The following EP300 variants were observed in gnomAD, a reference collection of about 807,000 sequenced individuals.
The protein encoded by EP300 is histone acetyltransferase p300.
EP300 carries 31 observed loss-of-function variants against 264.0 expected under a neutral mutation model. The observed-to-expected ratio is 0.12, with a 90% CI of 0.09 to 0.16. The LOEUF (loss-of-function observed/expected upper bound fraction) is 0.16. Ranked by LOEUF, EP300 falls within the 10% of genes least tolerant of loss-of-function variation. EP300 has a pLI of 1.00. For synonymous variants in EP300, 1,340 were observed against 1,045.4 expected (o/e 1.28, Z -5.44); for missense variants, 2,766 against 3,052.9 (o/e 0.91, Z 2.21).
intron 23 of EP300, among the ~76,000 whole-genome samples, chr22:41,167,582 GTGTATATATATA>G (rs1250142974): frequency 0.013 from 288 of 21,470 alleles, no homozygotes; most frequent in African/African-American, 0.047. Flanking sequence ...GTGTGTGTGT[GTGTATATATATA>G]TATATATATA....
intron 1 of EP300, among the ~76,000 whole-genome samples, chr22:41,098,554 G>T (rs550213424): frequency 2.6e-5 from 4 of 152,138 alleles, no homozygotes; most frequent in Non-Finnish European, 5.9e-5. Flanking sequence ...TGTATTTTTA[G>T]TAGAGACGGG....
In EP300 at chr22:41,177,567, C is replaced by G. The variant is rs751723154; in HGVS notation, c.5856C>G (p.Ile1952Met). ...MAHVQIFQRP[I>M]QHQMPPMTPM... is the part of the protein sequence containing the mutation. ...ACGTGCAAATTTTTCAAAGGCCAAT[C>G]CAACACCAGATGCCCCCGATGACTC... Residue 1952 changes from isoleucine to methionine, a missense_variant, in exon 31 of 31, where the codon ATC becomes ATG. By Grantham distance (10) the Ile-to-Met change is conservative (BLOSUM62 1). Coordinates refer to ENST00000263253, the MANE Select transcript of EP300 (RefSeq NM_001429.4). 4.3e-6 allele frequency: 7 copies of G among 1,614,066 alleles called. No individual in the cohort carries two copies. Among genetic ancestry groups the G allele is most frequent in the East Asian group, 2.2e-5 (1 of 44,884 alleles).
At chr22:41,154,014 T>C (rs2059062199) in intron 16 of EP300, among the ~76,000 whole-genome samples, 1 of 152,342 alleles carries the variant, frequency 6.6e-6, no homozygotes, top group Admixed American at 6.5e-5. Context: ...AACTGTTTGA[T>C]TCCATTTGGG....
At chr22:41,163,993 T>A (rs184657496) in intron 21 of EP300, 60 bp from the exon 22 acceptor site, 1 of 1,474,934 alleles carries the variant, frequency 6.8e-7, no homozygotes, top group African/African-American at 1.4e-5. Context: ...TGGGAAATAT[T>A]GCAAGTTTTC....
At chr22:41,168,398 C>CT in intron 23 of EP300, 51 bp from the exon 24 acceptor site, 1 of 1,604,094 alleles carries the variant, frequency 6.2e-7, no homozygotes. Flanking sequence ...AACCTTAAGA[C>CT]TAACAACAGT....
rs2145697368 is a variant in EP300, at chr22:41,117,645, G to A, written c.553G>A (p.Gly185Arg). The A allele has an allele frequency of 1.2e-6, 2 of 1,614,230 alleles. No homozygotes were observed. Among genetic ancestry groups the A allele is most frequent in the East Asian group, 2.2e-5 (1 of 44,886 alleles). Residue 185 changes from glycine (G) to arginine (R), a missense_variant, in exon 2 of 31, where the codon GGG becomes AGG. Physicochemically the swap from Gly to Arg is moderately radical, Grantham distance 125. Transcript: ENST00000263253. ...PGMLAAGNGQ[G>R]IMPNQVMNGS... is the part of the protein sequence containing the mutation. ...AATGTTGGCTGCAGGCAATGGACAA[G>A]GGATAATGCCTAATCAAGTCATGAA...
At chr22:41,119,036 T>C (rs2058836941) in intron 2 of EP300, among the ~76,000 whole-genome samples, 1 of 144,234 alleles carries the variant, frequency 6.9e-6, no homozygotes, top group African/African-American at 2.5e-5. Flanking sequence ...AGGGTCTTAC[T>C]CTGTCACCCA....
intron 6 of EP300, among the ~76,000 whole-genome samples, chr22:41,133,446 T>A (rs1354296704): frequency 6.6e-6 from 1 of 151,960 alleles, no homozygotes; most frequent in Non-Finnish European, 1.5e-5. Context: ...CCACTGTGCC[T>A]GACCCTCTAA....
intron 2 of EP300, among the ~76,000 whole-genome samples, chr22:41,120,442 G>A (rs969349971): frequency 3.3e-5 from 5 of 152,188 alleles, no homozygotes; most frequent in Non-Finnish European, 7.3e-5. Context: ...AAACTCCTAA[G>A]ACTTGTGATA....
chr22:41,167,625 T>C (rs1340897475), intron 23 of EP300, among the ~76,000 whole-genome samples: 2 of 102,350 alleles, frequency 2.0e-5, no homozygotes, highest in East Asian at 5.2e-4. Flanking sequence ...TATATATATA[T>C]ATATATATAT....
At chr22:41,119,648 A>C (rs1243501295) in intron 2 of EP300, among the ~76,000 whole-genome samples, 1 of 152,080 alleles carries the variant, frequency 6.6e-6, no homozygotes, top group African/African-American at 2.4e-5. Context: ...AGGCTCATTG[A>C]CATCTGCTTG....
At chr22:41,109,275 A>C (rs2058775608) in intron 1 of EP300, among the ~76,000 whole-genome samples, 1 of 152,048 alleles carries the variant, frequency 6.6e-6, no homozygotes, top group South Asian at 2.1e-4. Flanking sequence ...AAAACAAAAA[A>C]AAACGGAAAA....
chr22:41,146,900 A>G, intron 11 of EP300, 84 bp downstream of exon 11: 1 of 1,185,022 alleles, frequency 8.4e-7, no homozygotes, highest in Admixed American at 1.9e-5. Context: ...CACCCGCTTT[A>G]TGCCAACAGC....
intron 1 of EP300, among the ~76,000 whole-genome samples, chr22:41,104,063 GT>G (rs572061068): frequency 1.8e-4 from 27 of 152,040 alleles, no homozygotes; most frequent in Non-Finnish European, 3.5e-4. Context: ...GATATGCAAG[GT>G]TTTTTTGTTG....
chr22:41,165,251 ATC>A (rs1369729242), intron 22 of EP300, among the ~76,000 whole-genome samples: 1 of 152,152 alleles, frequency 6.6e-6, no homozygotes, highest in Non-Finnish European at 1.5e-5. Flanking sequence ...AATGAAAATA[ATC>A]TGTTATTACT....
chr22:41,170,725 G>A (rs553230704), intron 27 of EP300, among the ~76,000 whole-genome samples, 154 bp downstream of exon 27: 1 of 131,334 alleles, frequency 7.6e-6, no homozygotes, highest in East Asian at 2.4e-4. Flanking sequence ...GCAGTGACAC[G>A]ATTTTGGCTC....
chr22:41,140,412 A>G (rs1056849106), intron 9 of EP300, among the ~76,000 whole-genome samples, 155 bp downstream of exon 9: 7 of 152,162 alleles, frequency 4.6e-5, no homozygotes, highest in East Asian at 1.9e-4. Context: ...TAGGATACCA[A>G]AGCAGTTTCT....
intron 19 of EP300, chr22:41,160,347 C>G: frequency 5.2e-6 from 2 of 387,526 alleles, no homozygotes; most frequent in Non-Finnish European, 9.6e-6. Flanking sequence ...CTTGCAATCC[C>G]TCATTTCTTC....
intron 22 of EP300, 22 bp from the exon 23 acceptor site, chr22:41,166,577 C>G (rs1281678801): frequency 6.2e-7 from 1 of 1,605,090 alleles, no homozygotes; most frequent in African/African-American, 1.3e-5. Context: ...GTTGTGTAAG[C>G]AAAGTTTTGG....
Sources: allele counts gnomAD v4.1 joint callset (sites outside exome capture counted in the v4.1 genomes callset), GRCh38; gene constraint gnomAD v4.1.1; transcripts MANE v1.5; gene names NCBI Gene and HGNC (gene_info 2026-07-23, HGNC 2026-07-21).